The following PCCB variants were observed in gnomAD, a reference collection of about 807,000 sequenced individuals.
PCCB encodes the protein propionyl-CoA carboxylase subunit beta.
In PCCB, 43 loss-of-function variants were observed where a neutral mutation model predicts 60.7. The ratio of observed to expected loss-of-function variants is 0.71; its 90% CI spans 0.55 to 0.91. The LOEUF is 0.91. Ranked by LOEUF, PCCB falls within the 40% of genes least tolerant of loss-of-function variation. The pLI is 0.00. For missense variants in PCCB, 766 were observed against 702.8 expected (o/e 1.09, Z -1.02); for synonymous variants, 276 against 255.9 (o/e 1.08, Z -0.75).
intron 5 of PCCB, among the ~76,000 whole-genome samples, chr3:136,270,588 C>T (rs1942170516): frequency 6.6e-6 from 1 of 152,150 alleles, no homozygotes; most frequent in African/African-American, 2.4e-5. Context: ...TCACTGCAGT[C>T]TCCACCTTGT....
At chr3:136,277,756 C>T (rs1262548010) in intron 5 of PCCB, among the ~76,000 whole-genome samples, 1 of 152,180 alleles carries the variant, frequency 6.6e-6, no homozygotes, top group Admixed American at 6.5e-5. Flanking sequence ...GCAGATCTCA[C>T]TCCCTCTGTG....
intron 6 of PCCB, among the ~76,000 whole-genome samples, chr3:136,291,228 C>T (rs1282625563): frequency 6.6e-6 from 1 of 152,116 alleles, no homozygotes; most frequent in African/African-American, 2.4e-5. Context: ...CCACCTCAGC[C>T]TCCTGAGTAC....
intron 8 of PCCB, among the ~76,000 whole-genome samples, chr3:136,299,923 CAT>C (rs1019441653): frequency 6.6e-6 from 1 of 151,362 alleles, no homozygotes; most frequent in African/African-American, 2.4e-5. Context: ...TATATGTATG[CAT>C]ATGTATATGT....
At chr3:136,265,929 C>G (rs1941970491) in intron 5 of PCCB, among the ~76,000 whole-genome samples, 1 of 151,424 alleles carries the variant, frequency 6.6e-6, no homozygotes, top group Admixed American at 6.6e-5. Context: ...GGGTTCACGC[C>G]ATTCTCCTGC....
chr3:136,308,761 A>G (rs907899696), intron 9 of PCCB, among the ~76,000 whole-genome samples: 1 of 152,206 alleles, frequency 6.6e-6, no homozygotes, highest in Non-Finnish European at 1.5e-5. Context: ...AAAATTAGAA[A>G]CTTTTGTAGC....
At position 136,279,998 on chromosome 3, in the gene PCCB, T is replaced by C. The variant is rs1332234029; in HGVS notation, c.544-3839T>C. On this transcript the variant is annotated intron_variant, in intron 5 of 14. Transcript: ENST00000251654. ...TTATTTTTGTAAATTTTATTTTTTG[T>C]GCAGACTCCTCTGCTGGGGCCGCAA... 3.9e-5 allele frequency among the ~76,000 whole-genome samples: 6 copies of C among 152,262 alleles called. No individual in the cohort carries two copies. In the East Asian group the frequency reaches 1.2e-3, roughly 29 times the overall value.
At chr3:136,278,551 C>A (rs1178424150) in intron 5 of PCCB, among the ~76,000 whole-genome samples, 1 of 151,836 alleles carries the variant, frequency 6.6e-6, no homozygotes, top group Non-Finnish European at 1.5e-5. Context: ...TCTTCTTTTG[C>A]CTATTGCTTA....
intron 8 of PCCB, among the ~76,000 whole-genome samples, chr3:136,299,386 A>T (rs1173383928): frequency 1.3e-5 from 2 of 151,970 alleles, no homozygotes; most frequent in Non-Finnish European, 2.9e-5. Flanking sequence ...ATGCATATGT[A>T]TGTATATGTA....
At chr3:136,270,331 T>C (rs981470370) in intron 5 of PCCB, among the ~76,000 whole-genome samples, 2 of 151,772 alleles carry the variant, frequency 1.3e-5, no homozygotes, top group African/African-American at 4.9e-5. Context: ...TACCTTGTGA[T>C]TTTTTCTTTT....
chr3:136,305,746 T>TA (rs539854504), intron 9 of PCCB, among the ~76,000 whole-genome samples: 11,912 of 83,174 alleles, frequency 0.14, 2,367 homozygotes, highest in African/African-American at 0.35. Flanking sequence ...AAACTGTCTC[T>TA]AAAAAAAAAA....
At chr3:136,272,845 A>G (rs976620889) in intron 5 of PCCB, among the ~76,000 whole-genome samples, 1 of 151,202 alleles carries the variant, frequency 6.6e-6, no homozygotes, top group Non-Finnish European at 1.5e-5. Flanking sequence ...GATCTTTGTT[A>G]TTTCTTCTGC....
At chr3:136,298,760 A>G (rs1199298359) in intron 8 of PCCB, among the ~76,000 whole-genome samples, 1 of 152,132 alleles carries the variant, frequency 6.6e-6, no homozygotes, top group African/African-American at 2.4e-5. Flanking sequence ...TAGCCGTTCC[A>G]TTTTATTTCC....
At position 136,305,341 on chromosome 3, in the gene PCCB, C is replaced by T. The variant is rs1273670463; in HGVS notation, c.966+4230C>T. On this transcript the variant is annotated intron_variant, in intron 9 of 14. Transcript: ENST00000251654. ...TCCTGGCTTCAAGTGATCCACTTGC[C>T]TCGGCCTCCCAAACTACTGGCATTA... Among the ~76,000 whole-genome samples, 2 of 121,720 alleles carry T rather than the reference C, an allele frequency of 1.6e-5. 1 individual carries two copies. Among genetic ancestry groups the T allele is most frequent in the East Asian group, 1.2e-3 (2 of 1,622 alleles). 79.9% of individuals were successfully genotyped at this position (121,720 alleles called of 152,430 possible).
chr3:136,294,600 A>T (rs1044150288), intron 7 of PCCB, among the ~76,000 whole-genome samples: 8 of 149,598 alleles, frequency 5.3e-5, no homozygotes, highest in African/African-American at 2.0e-4. Context: ...ATGAGCCACC[A>T]TACCTGGCTT....
chr3:136,288,157 C>T (rs1933507763), intron 6 of PCCB, among the ~76,000 whole-genome samples: 1 of 152,102 alleles, frequency 6.6e-6, no homozygotes, highest in Admixed American at 6.5e-5. Flanking sequence ...GATTCCTGTT[C>T]TTCTAAATTA....
Position 136,317,074 on chromosome 3 carries a change from A to G in PCCB, c.1090+10A>G. 1 of 1,613,962 alleles carries G rather than the reference A, an allele frequency of 6.2e-7. No homozygotes were observed. The highest frequency in any genetic ancestry group is 1.1e-5 in the South Asian group (1 of 91,074). Reference sequence around the variant, plus strand: ...CCTAAGGTGGCCTCAGGTAGGATGGAGCTCTTATAAGCCTTGGTTTTGGGG... The same window carrying G: ...CCTAAGGTGGCCTCAGGTAGGATGGGGCTCTTATAAGCCTTGGTTTTGGGG... On this transcript the variant is annotated intron_variant, in intron 10 of 14. Transcript: ENST00000251654.
At position 136,301,087 on chromosome 3, in the gene PCCB, C is replaced by A. The variant is rs572246667; in HGVS notation, c.942C>A (p.Tyr314Ter). 21 of 1,613,888 alleles carry A rather than the reference C, an allele frequency of 1.3e-5. No homozygotes were observed. Among genetic ancestry groups the A allele is most frequent in the Non-Finnish European group, 1.8e-5 (21 of 1,179,856 alleles). The change falls in exon 9 of 15, where the codon TAC becomes TAA. Residue 314 changes from tyrosine to a stop codon, truncating the protein, a stop_gained. Transcript: ENST00000251654. LOFTEE classifies it high-confidence loss of function. Reference sequence around the variant, plus strand: ...TCCCTTTGGAATCAACCAAAGCCTACAACATGGTGGACATCATACACTCTG... The same window carrying A: ...TCCCTTTGGAATCAACCAAAGCCTAAAACATGGTGGACATCATACACTCTG... ...TIVPLESTKA[Y>*]NMVDIIHSVV...
Position 136,260,542 on chromosome 3 carries a change from G to C in PCCB, c.429+7G>C. 1 of 1,608,030 alleles carries C rather than the reference G, an allele frequency of 6.2e-7. No individual in the cohort carries two copies. The highest frequency in any genetic ancestry group is 1.1e-5 in the South Asian group (1 of 90,806). On this transcript the variant is annotated splice_region_variant and intron_variant, in intron 4 of 14. Coordinates refer to ENST00000251654, the MANE Select transcript of PCCB (RefSeq NM_000532.5). ...TGCCCAAAAGATCTGCAAAGTAAGT[G>C]TTTAATACTCAAATTCAATCCATTG...
At chr3:136,287,526 C>T (rs932624973) in intron 6 of PCCB, among the ~76,000 whole-genome samples, 1 of 151,904 alleles carries the variant, frequency 6.6e-6, no homozygotes, top group Non-Finnish European at 1.5e-5. Context: ...TTTGCCTCCT[C>T]GGTTTAAGTG....
Sources: allele counts gnomAD v4.1 joint callset (sites outside exome capture counted in the v4.1 genomes callset), GRCh38; gene constraint gnomAD v4.1.1; transcripts MANE v1.5; gene names NCBI Gene and HGNC (gene_info 2026-07-23, HGNC 2026-07-21).